The following CNTN4 variants were observed in gnomAD, a reference collection of about 807,000 sequenced individuals.
The protein encoded by CNTN4 is contactin-4.
Under a neutral mutation model 122.5 loss-of-function variants are expected in CNTN4, and 77 were observed. That is an observed-to-expected ratio of 0.63 (90% CI 0.52 to 0.76). The LOEUF is 0.76. CNTN4 is among the 30% of genes least tolerant of loss of function. The probability of loss-of-function intolerance (pLI) is 0.00; values close to 1 mark genes in which losing one functional copy is unlikely to be tolerated. For missense variants in CNTN4, 1,256 were observed against 1,259.1 expected (o/e 1.00, Z 0.04); for synonymous variants, 512 against 447.0 (o/e 1.15, Z -1.83).
At chr3:2,563,069 C>T (rs942152395) in intron 3 of CNTN4, among the ~76,000 whole-genome samples, 3 of 152,144 alleles carry the variant, frequency 2.0e-5, no homozygotes, top group African/African-American at 7.2e-5. Context: ...AATGGAATTT[C>T]TGGGTCAAAT....
intron 3 of CNTN4, among the ~76,000 whole-genome samples, chr3:2,448,698 T>C (rs922383349): frequency 2.0e-5 from 3 of 152,196 alleles, no homozygotes; most frequent in African/African-American, 7.2e-5. Flanking sequence ...CCGTTATCCA[T>C]TTAACAATTA....
chr3:2,215,942 T>A (rs1265491370), intron 2 of CNTN4, among the ~76,000 whole-genome samples: 2 of 131,128 alleles, frequency 1.5e-5, no homozygotes, highest in Admixed American at 7.9e-5. Context: ...TTGGTGGGAG[T>A]GTAAATTAGT....
rs530386305 is a variant in CNTN4 at position 2,778,082 on chromosome 3, CG to C, written c.358+32388del. Among the ~76,000 whole-genome samples, 455 of 140,256 alleles carry C rather than the reference CG, an allele frequency of 3.2e-3. 16 individuals carry two copies. Among genetic ancestry groups the C allele is most frequent in the South Asian group, 7.5e-3 (30 of 3,986 alleles). The allele number at this position is 140,256 out of a possible 152,430, so 92.0% of individuals were successfully genotyped here. On this transcript the variant is annotated intron_variant, in intron 6 of 24. Transcript: ENST00000418658. ...ACAAAAAATTAGCCGGGCGTGGTGG[CG>C]GGCGCCTGTAGTCCCAGCTACTCAG...
chr3:2,708,353 A>T (rs1441585732), intron 4 of CNTN4, among the ~76,000 whole-genome samples: 1 of 152,214 alleles, frequency 6.6e-6, no homozygotes, highest in Non-Finnish European at 1.5e-5. Flanking sequence ...TCCAAATACG[A>T]CTTAAAAGGT....
chr3:2,328,944 C>T (rs1280711115), intron 2 of CNTN4, among the ~76,000 whole-genome samples: 1 of 152,054 alleles, frequency 6.6e-6, no homozygotes, highest in Non-Finnish European at 1.5e-5. Context: ...AGCTGCTTAC[C>T]ATCTCTAATG....
At chr3:2,164,184 A>G (rs1034751444) in intron 2 of CNTN4, among the ~76,000 whole-genome samples, 2 of 152,116 alleles carry the variant, frequency 1.3e-5, no homozygotes, top group Non-Finnish European at 2.9e-5. Context: ...AAAAAAGAAA[A>G]AAAGGAAAGC....
intron 2 of CNTN4, among the ~76,000 whole-genome samples, chr3:2,311,603 G>A (rs2042919567): frequency 6.6e-6 from 1 of 152,054 alleles, no homozygotes; most frequent in Admixed American, 6.6e-5. Context: ...AATAACTGAT[G>A]TTCCTTTTGG....
intron 13 of CNTN4, among the ~76,000 whole-genome samples, chr3:2,938,961 A>G (rs1420216358): frequency 1.3e-5 from 2 of 152,232 alleles, no homozygotes; most frequent in Admixed American, 1.3e-4. Flanking sequence ...CCAGACAGGC[A>G]GTGCTTTGTG....
chr3:2,170,105 A>G (rs1322104410), intron 2 of CNTN4, among the ~76,000 whole-genome samples: 2 of 151,810 alleles, frequency 1.3e-5, no homozygotes, highest in South Asian at 2.1e-4. Flanking sequence ...GAGGATCACA[A>G]GGTCAGGAGA....
chr3:2,257,681 A>G (rs1289556832), intron 2 of CNTN4, among the ~76,000 whole-genome samples: 5 of 152,194 alleles, frequency 3.3e-5, no homozygotes, highest in Non-Finnish European at 5.9e-5. Context: ...ACATGAAAAA[A>G]CACTTATCAT....
At chr3:2,590,942 A>G (rs932978391) in intron 4 of CNTN4, among the ~76,000 whole-genome samples, 5 of 152,218 alleles carry the variant, frequency 3.3e-5, no homozygotes, top group Non-Finnish European at 7.3e-5. Context: ...ACACTTTGAT[A>G]CATTTTGTCA....
chr3:2,381,688 G>T (rs1269826558), intron 3 of CNTN4, among the ~76,000 whole-genome samples: 2 of 152,172 alleles, frequency 1.3e-5, no homozygotes, highest in African/African-American at 4.8e-5. Flanking sequence ...ATTTGTAAAT[G>T]ATGTATAAAA....
chr3:2,873,420 C>T (rs2093808281), intron 8 of CNTN4, among the ~76,000 whole-genome samples: 1 of 152,216 alleles, frequency 6.6e-6, no homozygotes. Context: ...TCTTTCAGGC[C>T]ACAGTGCGCC....
intron 4 of CNTN4, among the ~76,000 whole-genome samples, chr3:2,621,846 C>G (rs1244959725): frequency 6.6e-6 from 1 of 152,046 alleles, no homozygotes; most frequent in Non-Finnish European, 1.5e-5. Context: ...GAATGATCCT[C>G]ATTCTGATTT....
At chr3:2,634,003 C>T (rs989212573) in intron 4 of CNTN4, among the ~76,000 whole-genome samples, 2 of 152,176 alleles carry the variant, frequency 1.3e-5, no homozygotes, top group African/African-American at 2.4e-5. Context: ...CTATCCCTTA[C>T]AAGAACAGAT....
intron 4 of CNTN4, among the ~76,000 whole-genome samples, chr3:2,628,024 G>A (rs2600316): frequency 0.67 from 101,347 of 152,088 alleles, 34,837 homozygotes; most frequent in African/African-American, 0.83. Flanking sequence ...GACTTGCTTC[G>A]TAGTATAATT....
chr3:2,185,729 A>G (rs1409339805), intron 2 of CNTN4, among the ~76,000 whole-genome samples: 1 of 152,136 alleles, frequency 6.6e-6, no homozygotes, highest in Non-Finnish European at 1.5e-5. Flanking sequence ...CAATAATGGT[A>G]CAAAGTATTT....
At chr3:2,705,855 ATG>A (rs1489370406) in intron 4 of CNTN4, among the ~76,000 whole-genome samples, 4 of 92,752 alleles carry the variant, frequency 4.3e-5, no homozygotes, top group Non-Finnish European at 5.5e-5. Context: ...TATATAATAT[ATG>A]TGTTTATATA....
chr3:2,565,385 C>G (rs1354984040), intron 3 of CNTN4, among the ~76,000 whole-genome samples: 2 of 152,140 alleles, frequency 1.3e-5, no homozygotes, highest in Non-Finnish European at 2.9e-5. Context: ...GAATGAAAAT[C>G]TGTTTTTACT....
Sources: allele counts gnomAD v4.1 joint callset (sites outside exome capture counted in the v4.1 genomes callset), GRCh38; gene constraint gnomAD v4.1.1; transcripts MANE v1.5; gene names NCBI Gene and HGNC (gene_info 2026-07-23, HGNC 2026-07-21).